ADAMTSL1: variants seen among roughly 807,000 people sequenced by gnomAD.
The protein encoded by ADAMTSL1 is ADAMTS like 1.
Under a neutral mutation model 201.8 loss-of-function variants are expected in ADAMTSL1, and 126 were observed. The ratio of observed to expected loss-of-function variants is 0.62; its 90% CI spans 0.54 to 0.72. The LOEUF (loss-of-function observed/expected upper bound fraction) is 0.72, where lower values mean the gene tolerates loss of function less well. Among genes scored for constraint, ADAMTSL1 ranks in the 30% least tolerant of loss-of-function variants. ADAMTSL1 has a pLI of 0.00. For synonymous variants in ADAMTSL1, 1,121 were observed against 903.4 expected, an observed-to-expected ratio of 1.24 and a Z score of -4.32; for missense variants, 2,679 against 2,277.8, an observed-to-expected ratio of 1.18 and a Z score of -3.59.
chr9:18,346,203 T>C (rs957279312), intron 2 of ADAMTSL1, among the ~76,000 whole-genome samples: 2 of 152,140 alleles, frequency 1.3e-5, no homozygotes, highest in South Asian at 4.1e-4. Flanking sequence ...GATGAGGTAA[T>C]CCTAGTGTTA....
At chr9:18,125,185 G>A (rs1825681649) in intron 1 of ADAMTSL1, among the ~76,000 whole-genome samples, 1 of 152,168 alleles carries the variant, frequency 6.6e-6, no homozygotes, top group Non-Finnish European at 1.5e-5. Context: ...CATGGTGGAA[G>A]GCAAGGAGGA....
intron 16 of ADAMTSL1, among the ~76,000 whole-genome samples, chr9:18,767,837 G>A (rs1720950905): frequency 6.6e-6 from 1 of 152,190 alleles, no homozygotes; most frequent in Non-Finnish European, 1.5e-5. Flanking sequence ...CCACAAAGAA[G>A]ACAAAGGCTT....
chr9:18,435,896 G>A (rs761725723), intron 2 of ADAMTSL1, among the ~76,000 whole-genome samples: 1 of 152,144 alleles, frequency 6.6e-6, no homozygotes, highest in East Asian at 1.9e-4. Context: ...CATCTTCCAC[G>A]GGGTTCCTCC....
At chr9:18,359,113 C>T (rs892008204) in intron 2 of ADAMTSL1, among the ~76,000 whole-genome samples, 5 of 152,160 alleles carry the variant, frequency 3.3e-5, no homozygotes. Context: ...TAATTATATG[C>T]AATTATATAA....
intron 2 of ADAMTSL1, among the ~76,000 whole-genome samples, chr9:18,506,904 G>C (rs1361036531): frequency 6.6e-6 from 1 of 152,050 alleles, no homozygotes; most frequent in Non-Finnish European, 1.5e-5. Flanking sequence ...AATCCAACAA[G>C]AATATAAAGA....
intron 23 of ADAMTSL1, among the ~76,000 whole-genome samples, chr9:18,836,932 A>G (rs1338994878): frequency 6.6e-6 from 1 of 152,186 alleles, no homozygotes; most frequent in Non-Finnish European, 1.5e-5. Flanking sequence ...ACATATAGAA[A>G]TGTTACTGAT....
rs1159993754 is a variant in ADAMTSL1 at position 18,768,604 on chromosome 9, AT to A, written c.2218-1991del. The stretch of plus-strand genomic sequence containing the variant: ...ATCCTTTTTCCTAGGGGACTCAATT[AT>A]TTTTTTAAATTTGAAATGAAAAAAA... On this transcript the variant is annotated intron_variant, in intron 16 of 28. Coordinates refer to ENST00000380548, the MANE Select transcript of ADAMTSL1 (RefSeq NM_001040272.6). Among the ~76,000 whole-genome samples the A allele has an allele frequency of 2.0e-5, 3 of 151,882 alleles. No individual in the cohort carries two copies. In the South Asian group the frequency reaches 6.2e-4, roughly 32 times the overall value.
chr9:18,167,600 A>C (rs1334770557), intron 2 of ADAMTSL1, among the ~76,000 whole-genome samples: 1 of 152,026 alleles, frequency 6.6e-6, no homozygotes, highest in Non-Finnish European at 1.5e-5. Flanking sequence ...AGTTGGCTGC[A>C]AGGCAGGTAA....
At chr9:18,467,111 A>G (rs990750946) in intron 2 of ADAMTSL1, among the ~76,000 whole-genome samples, 2 of 152,218 alleles carry the variant, frequency 1.3e-5, no homozygotes, top group Non-Finnish European at 2.9e-5. Context: ...TTCTGTGAAT[A>G]CAAGAGTTTG....
intron 4 of ADAMTSL1, among the ~76,000 whole-genome samples, chr9:18,585,402 T>G (rs149661628): frequency 9.8e-5 from 15 of 152,296 alleles, no homozygotes; most frequent in African/African-American, 3.6e-4. Context: ...CATTTTCAAA[T>G]TTTATTATTT....
intron 14 of ADAMTSL1, among the ~76,000 whole-genome samples, chr9:18,713,049 T>C (rs1483107998): frequency 6.6e-6 from 1 of 151,612 alleles, no homozygotes; most frequent in Admixed American, 6.6e-5. Context: ...AAGCAAATGC[T>C]GAGAGATTTT....
At chr9:18,314,553 G>T (rs1372136543) in intron 2 of ADAMTSL1, among the ~76,000 whole-genome samples, 8 of 151,852 alleles carry the variant, frequency 5.3e-5, no homozygotes, top group Admixed American at 5.2e-4. Context: ...CCCGTCCGCA[G>T]TTGTTCCTTC....
At chr9:18,722,564 G>A (rs950708974) in intron 15 of ADAMTSL1, among the ~76,000 whole-genome samples, 1 of 152,192 alleles carries the variant, frequency 6.6e-6, no homozygotes, top group Non-Finnish European at 1.5e-5. Flanking sequence ...TGCACTGCTT[G>A]TATTATTTCC....
At chr9:18,423,897 A>G (rs1255166237) in intron 2 of ADAMTSL1, among the ~76,000 whole-genome samples, 1 of 152,230 alleles carries the variant, frequency 6.6e-6, no homozygotes, top group African/African-American at 2.4e-5. Context: ...GTTTTCCAGT[A>G]TGAGATTAAG....
chr9:18,790,442 T>A (rs968870806), intron 19 of ADAMTSL1, among the ~76,000 whole-genome samples: 1 of 152,188 alleles, frequency 6.6e-6, no homozygotes, highest in African/African-American at 2.4e-5. Flanking sequence ...GAGGACCCCA[T>A]GATGCCAACC....
rs569624709 is a variant in ADAMTSL1, at chr9:18,809,163, C to G, written c.3806-7946C>G. ...AAGATAAATTCTGTTAGTTCTAGTGCTTATGAAAAAAGTAAAGTTGTCCCC... is the reference window on the plus strand; with the variant it reads ...AAGATAAATTCTGTTAGTTCTAGTGGTTATGAAAAAAGTAAAGTTGTCCCC... On this transcript the variant is annotated intron_variant, in intron 20 of 28. Coordinates refer to ENST00000380548, the MANE Select transcript of ADAMTSL1 (RefSeq NM_001040272.6). 1.4e-3 allele frequency among the ~76,000 whole-genome samples: 212 copies of G among 152,168 alleles called. 8 individuals are homozygous for G. The South Asian group carries it at 0.043, about 31-fold the overall frequency.
chr9:18,701,782 A>G (rs1238449202), intron 13 of ADAMTSL1, among the ~76,000 whole-genome samples: 2 of 152,242 alleles, frequency 1.3e-5, no homozygotes, highest in African/African-American at 4.8e-5. Flanking sequence ...TCAAAATAAG[A>G]CACCTATAAA....
intron 15 of ADAMTSL1, among the ~76,000 whole-genome samples, chr9:18,736,572 C>T (rs1198304474): frequency 1.3e-5 from 2 of 152,082 alleles, no homozygotes; most frequent in African/African-American, 4.8e-5. Flanking sequence ...TCCAGCTCAC[C>T]CTTGCATACC....
intron 23 of ADAMTSL1, among the ~76,000 whole-genome samples, chr9:18,843,063 C>T (rs1418312558): frequency 6.6e-6 from 1 of 151,736 alleles, no homozygotes; most frequent in Non-Finnish European, 1.5e-5. Context: ...ATGTGTGAAT[C>T]TGATCCTGTC....
Sources: gnomAD v4.1 joint callset for allele counts (sites outside exome capture counted in the v4.1 genomes callset) on GRCh38, gnomAD v4.1.1 for gene constraint, MANE v1.5 for transcripts, NCBI Gene and HGNC (gene_info 2026-07-23, HGNC 2026-07-21) for gene names.